Variants in CNTN3 observed in about 807,000 individuals in gnomAD.
The protein encoded by CNTN3 is contactin 3.
Under a neutral mutation model 119.1 loss-of-function variants are expected in CNTN3, and 60 were observed. The ratio of observed to expected loss-of-function variants is 0.50; its 90% CI spans 0.41 to 0.62. CNTN3 has a LOEUF of 0.62. Ranked by LOEUF, CNTN3 falls within the 20% of genes least tolerant of loss-of-function variation. CNTN3 has a pLI of 0.00. For missense variants in CNTN3, 1,101 were observed against 1,242.4 expected (o/e 0.89, Z 1.71); for synonymous variants, 450 against 438.7 (o/e 1.03, Z -0.32).
chr3:74,520,990 A>T, intron 2 of CNTN3, 68 bp downstream of exon 2: 7 of 837,452 alleles, frequency 8.4e-6, no homozygotes, highest in Non-Finnish European at 1.2e-5. Flanking sequence ...AACATCTAAA[A>T]ATTATGTAAG....
At chr3:74,331,913 T>C (rs1275787156) in intron 13 of CNTN3, among the ~76,000 whole-genome samples, 1 of 152,220 alleles carries the variant, frequency 6.6e-6, no homozygotes, top group East Asian at 1.9e-4. Context: ...TTATTGGAGC[T>C]TTCTGAGCTT....
rs115677057 is a variant in CNTN3 at position 74,498,754 on chromosome 3, T to A, written c.182+905A>T. 8.0e-3 allele frequency among the ~76,000 whole-genome samples: 1,218 copies of A among 151,928 alleles called. 13 individuals carry two copies. The highest frequency in any genetic ancestry group is 0.061 in the East Asian group (314 of 5,164). On this transcript the variant is annotated intron_variant, in intron 3 of 22. Coordinates refer to ENST00000263665, the MANE Select transcript of CNTN3 (RefSeq NM_020872.3). ...GCTGAAGTTTGCTTGTTCTGCAGAT[T>A]ATAGAAAAGGTTTTGTCAAGAAAAC... is the stretch of plus-strand genomic sequence containing the variant.
At chr3:74,422,890 T>C (rs1207938320) in intron 5 of CNTN3, among the ~76,000 whole-genome samples, 1 of 152,206 alleles carries the variant, frequency 6.6e-6, no homozygotes, top group African/African-American at 2.4e-5. Context: ...CTCATTCCAG[T>C]GCTTGTCAGC....
rs779983958 is a variant in CNTN3, at chr3:74,266,542, C to T, written c.2925G>A (p.Lys975=). Reference sequence around the variant, plus strand: ...TCCCATCCCCTCCATCTGTTGTGGCCTTGACTTCAATAATGTAGTCCTCTT... The same window carrying T: ...TCCCATCCCCTCCATCTGTTGTGGCTTTGACTTCAATAATGTAGTCCTCTT... ...PIKEDYIIEV[K]ATTDGGDGTS... The change falls in exon 22 of 23, where the codon AAG becomes AAA. Residue 975 remains lysine (K), a synonymous_variant. Coordinates refer to ENST00000263665, the MANE Select transcript of CNTN3 (RefSeq NM_020872.3). 16 of 1,613,490 alleles carry T rather than the reference C, an allele frequency of 9.9e-6. No individual in the cohort carries two copies. Among genetic ancestry groups the T allele is most frequent in the Non-Finnish European group, 1.4e-5 (16 of 1,179,644 alleles).
chr3:74,354,119 T>A (rs1014813885), intron 11 of CNTN3, among the ~76,000 whole-genome samples: 1 of 152,186 alleles, frequency 6.6e-6, no homozygotes, highest in African/African-American at 2.4e-5. Flanking sequence ...GTAATATCTT[T>A]TAAAAACATT....
intron 20 of CNTN3, among the ~76,000 whole-genome samples, chr3:74,284,813 A>AT (rs1315116181): frequency 1.3e-5 from 2 of 152,192 alleles, no homozygotes; most frequent in East Asian, 1.9e-4. Flanking sequence ...CTCTGGTTAG[A>AT]TTTTTTAAAG....
At chr3:74,585,674 A>G (rs1704581482) in intron 1 of CNTN3, among the ~76,000 whole-genome samples, 1 of 152,178 alleles carries the variant, frequency 6.6e-6, no homozygotes, top group African/African-American at 2.4e-5. Context: ...ACTTTTAGGC[A>G]CACTGTAAAA....
chr3:74,306,214 C>CAA (rs79818182), intron 13 of CNTN3, among the ~76,000 whole-genome samples: 14,783 of 83,512 alleles, frequency 0.18, 1,573 homozygotes, highest in African/African-American at 0.35. Flanking sequence ...GAGAAATGTC[C>CAA]AAAAAAAAAA....
At chr3:74,390,366 A>T (rs1203577619) in intron 5 of CNTN3, among the ~76,000 whole-genome samples, 4 of 134,590 alleles carry the variant, frequency 3.0e-5, no homozygotes, top group Non-Finnish European at 3.2e-5. Context: ...TGCTGAGAGT[A>T]TGCTTTTTTT....
At chr3:74,310,086 A>C (rs1346044532) in intron 13 of CNTN3, among the ~76,000 whole-genome samples, 1 of 152,198 alleles carries the variant, frequency 6.6e-6, no homozygotes, top group Non-Finnish European at 1.5e-5. Context: ...AAGTCAAAAG[A>C]GCTTACTTTG....
At chr3:74,344,898 A>G (rs1178338912) in intron 11 of CNTN3, among the ~76,000 whole-genome samples, 4 of 151,630 alleles carry the variant, frequency 2.6e-5, no homozygotes, top group South Asian at 4.2e-4. Context: ...CACACAAACA[A>G]TAACAGTTTT....
intron 5 of CNTN3, among the ~76,000 whole-genome samples, chr3:74,402,545 C>T (rs901383427): frequency 1.7e-4 from 26 of 152,100 alleles, no homozygotes; most frequent in African/African-American, 6.3e-4. Flanking sequence ...GTTAGCATTC[C>T]AGCAGATACC....
At chr3:74,318,250 C>T (rs1702886766) in intron 13 of CNTN3, among the ~76,000 whole-genome samples, 1 of 151,368 alleles carries the variant, frequency 6.6e-6, no homozygotes, top group Admixed American at 6.6e-5. Context: ...ATTTTTTTTT[C>T]ACAGTTTTTA....
chr3:74,565,330 C>T (rs1704210715), intron 1 of CNTN3, among the ~76,000 whole-genome samples: 1 of 152,110 alleles, frequency 6.6e-6, no homozygotes, highest in Non-Finnish European at 1.5e-5. Context: ...TGCCTTGTGG[C>T]CCCTTCCTCC....
chr3:74,270,692 C>G (rs1048674891), intron 20 of CNTN3, among the ~76,000 whole-genome samples: 1 of 152,112 alleles, frequency 6.6e-6, no homozygotes, highest in Non-Finnish European at 1.5e-5. Flanking sequence ...TCTAATTTTA[C>G]TTTTTGTATT....
intron 5 of CNTN3, among the ~76,000 whole-genome samples, chr3:74,376,728 C>T (rs1704483940): frequency 6.6e-6 from 1 of 152,100 alleles, no homozygotes. Context: ...AATTCATCCA[C>T]AAAACAGATC....
At chr3:74,360,108 T>C (rs924723861) in intron 11 of CNTN3, among the ~76,000 whole-genome samples, 1 of 152,224 alleles carries the variant, frequency 6.6e-6, no homozygotes, top group Non-Finnish European at 1.5e-5. Flanking sequence ...GGCTAAATAC[T>C]GGAGGAACTG....
At chr3:74,511,802 T>C (rs1452232332) in intron 2 of CNTN3, among the ~76,000 whole-genome samples, 3 of 152,258 alleles carry the variant, frequency 2.0e-5, no homozygotes, top group South Asian at 4.1e-4. Context: ...GTTTTACACA[T>C]TACAAGGGCA....
At chr3:74,348,423 G>A (rs1394222923) in intron 11 of CNTN3, among the ~76,000 whole-genome samples, 1 of 152,146 alleles carries the variant, frequency 6.6e-6, no homozygotes, top group Non-Finnish European at 1.5e-5. Flanking sequence ...GGTCACCAGT[G>A]GAATGCAGGG....
Sources: allele counts gnomAD v4.1 joint callset (sites outside exome capture counted in the v4.1 genomes callset), GRCh38; gene constraint gnomAD v4.1.1; transcripts MANE v1.5; gene names NCBI Gene and HGNC (gene_info 2026-07-23, HGNC 2026-07-21).